CORO2B: variants seen among roughly 807,000 people sequenced by gnomAD.
The protein encoded by CORO2B is coronin-2B.
In CORO2B, 26 loss-of-function variants were observed where a neutral mutation model predicts 58.8. That is an observed-to-expected ratio of 0.44 (90% CI 0.32 to 0.61). CORO2B has a LOEUF of 0.61. Among genes scored for constraint, CORO2B ranks in the 20% least tolerant of loss-of-function variants. The pLI, the probability that CORO2B is intolerant of heterozygous loss-of-function variation, is 0.04. For synonymous variants in CORO2B, 242 were observed against 253.8 expected (o/e 0.95, Z 0.44); for missense variants, 460 against 645.1 (o/e 0.71, Z 3.11).
At chr15:68,606,200 A>C (rs74020251) in intron 1 of CORO2B, among the ~76,000 whole-genome samples, 7,688 of 152,186 alleles carry the variant, frequency 0.051, 396 homozygotes, top group African/African-American at 0.13. Context: ...AAAGAGGCCT[A>C]GACCAGGAGT....
In CORO2B at chr15:68,726,180, C is replaced by G. The variant is rs1176169467; in HGVS notation, c.*206C>G. 1.7e-6 allele frequency: 1 copy of G among 602,576 alleles called. No homozygotes were observed. Among genetic ancestry groups the G allele is most frequent in the Non-Finnish European group, 2.8e-6 (1 of 362,176 alleles). 37.3% of individuals were successfully genotyped at this position (602,576 alleles called of 1,614,324 possible). ...AAAAGTCCCCAGCTTCTGGAGACCCCCTGCCGGCAGCCCCTTTCCCTGCCA... is the reference window on the plus strand; with the variant it reads ...AAAAGTCCCCAGCTTCTGGAGACCCGCTGCCGGCAGCCCCTTTCCCTGCCA... On this transcript the variant is annotated 3_prime_UTR_variant, in exon 12 of 12. Transcript: ENST00000261861.
intron 2 of CORO2B, among the ~76,000 whole-genome samples, chr15:68,682,395 G>C (rs1902820377): frequency 6.6e-6 from 1 of 152,172 alleles, no homozygotes. Context: ...AGGCGTTTGT[G>C]GGGATTAACC....
chr15:68,521,991 T>C, the CORO2B span, among the ~76,000 whole-genome samples: 1 of 152,180 alleles, frequency 6.6e-6, no homozygotes, highest in Non-Finnish European at 1.5e-5. Context: ...AAATTTTTTG[T>C]AGAGACAAGG....
intron 1 of CORO2B, among the ~76,000 whole-genome samples, chr15:68,601,125 G>A (rs1181264873): frequency 6.6e-6 from 1 of 152,170 alleles, no homozygotes; most frequent in Non-Finnish European, 1.5e-5. Flanking sequence ...ACAGGTAGAG[G>A]TAGCCATTGG....
At chr15:68,574,869 G>A (rs1375326647), upstream of CORO2B, among the ~76,000 whole-genome samples, 1 of 152,220 alleles carries the variant, frequency 6.6e-6, no homozygotes, top group Non-Finnish European at 1.5e-5. Context: ...TCGCCATGCT[G>A]AGAAAGAGGG....
At chr15:68,603,000 A>T (rs917726614) in intron 1 of CORO2B, among the ~76,000 whole-genome samples, 1 of 152,134 alleles carries the variant, frequency 6.6e-6, no homozygotes, top group African/African-American at 2.4e-5. Flanking sequence ...GCTTAACACC[A>T]TCTGTTTCCC....
chr15:68,524,943 C>G, the CORO2B span, among the ~76,000 whole-genome samples: 19 of 152,204 alleles, frequency 1.2e-4, no homozygotes, highest in African/African-American at 4.1e-4. Flanking sequence ...TAAAAAGGAA[C>G]AGAGAATAAT....
intron 1 of CORO2B, among the ~76,000 whole-genome samples, chr15:68,643,703 A>G (rs537136774): frequency 1.1e-4 from 17 of 152,290 alleles, no homozygotes; most frequent in South Asian, 4.1e-4. Context: ...TCTTCCTTCA[A>G]TAAAGAGGAG....
rs1348723327 is a variant in CORO2B, at chr15:68,645,063, C to T, written c.16-97C>T. The stretch of plus-strand genomic sequence containing the variant: ...GGACCCAGGGCCTGCTCACCTGCTG[C>T]ACCTCTGAGCCGCAGCTTCCCTCCC... On this transcript the variant is annotated intron_variant, in intron 1 of 11. Coordinates refer to ENST00000261861, the MANE Select transcript of CORO2B (RefSeq NM_006091.5). This position sits in a 1 kb window ranked among gnomAD's most constrained non-coding sequence, Gnocchi z 4.5. 8.6e-6 allele frequency: 11 copies of T among 1,274,834 alleles called. No homozygotes were observed. Among genetic ancestry groups the T allele is most frequent in the Non-Finnish European group, 1.2e-5 (11 of 915,820 alleles). 79.0% of individuals were successfully genotyped at this position (1,274,834 alleles called of 1,614,324 possible). A position where few individuals can be genotyped will look rare whatever the true frequency, so the allele number is the denominator to read the frequency against.
Position 68,635,541 on chromosome 15 carries a change from G to A in CORO2B, c.16-9619G>A, listed in dbSNP as rs79306415. On this transcript the variant is annotated intron_variant, in intron 1 of 11. Transcript: ENST00000261861. ...ACCCCCAGGGCAGGAAGCTTGCAGTGTGGACCGGTCATCCAGAGACAAGTC... is the reference window on the plus strand; with the variant it reads ...ACCCCCAGGGCAGGAAGCTTGCAGTATGGACCGGTCATCCAGAGACAAGTC... Among the ~76,000 whole-genome samples, 1,571 of 152,294 alleles carry A rather than the reference G, an allele frequency of 0.01. 63 individuals are homozygous for A. In the East Asian group the frequency reaches 0.12, roughly 12 times the overall value.
At chr15:68,700,141 C>T (rs764201826) in intron 3 of CORO2B, among the ~76,000 whole-genome samples, 1 of 152,172 alleles carries the variant, frequency 6.6e-6, no homozygotes, top group Non-Finnish European at 1.5e-5. Flanking sequence ...GGCCCTCCCT[C>T]CACCCATTCC....
intron 1 of CORO2B, among the ~76,000 whole-genome samples, chr15:68,636,296 G>A (rs548967987): frequency 6.6e-6 from 1 of 152,280 alleles, no homozygotes; most frequent in South Asian, 2.1e-4. Context: ...AAGAGAATGA[G>A]GCAGAGGTGG....
chr15:68,523,807 G>T, the CORO2B span, among the ~76,000 whole-genome samples: 2 of 152,176 alleles, frequency 1.3e-5, no homozygotes, highest in East Asian at 3.8e-4. Context: ...ATATCCCAAG[G>T]GGAAAAGTGA....
At chr15:68,605,655 A>G (rs1281847537) in intron 1 of CORO2B, among the ~76,000 whole-genome samples, 1 of 150,608 alleles carries the variant, frequency 6.6e-6, no homozygotes, top group African/African-American at 2.4e-5. Context: ...TGGAAAGTGA[A>G]GGGAGAATGG....
chr15:68,695,117 C>A, intron 2 of CORO2B, 23 bp from the exon 3 acceptor site: 1 of 1,589,112 alleles, frequency 6.3e-7, no homozygotes, highest in Non-Finnish European at 8.6e-7. Context: ...CTCCTTCTCT[C>A]TCTCTCTCTT....
intron 1 of CORO2B, among the ~76,000 whole-genome samples, chr15:68,619,060 C>T (rs1420959300): frequency 6.6e-6 from 1 of 152,138 alleles, no homozygotes; most frequent in African/African-American, 2.4e-5. Context: ...TCAGCAGCCC[C>T]AGATACAATT....
chr15:68,577,401 T>G (rs1240747628), upstream of CORO2B, among the ~76,000 whole-genome samples: 1 of 152,140 alleles, frequency 6.6e-6, no homozygotes, highest in Non-Finnish European at 1.5e-5. Flanking sequence ...CTCACACTGT[T>G]GCATTTAGGA....
rs144848505 is a variant in CORO2B at position 68,691,819 on chromosome 15, C to T, written c.217-3321C>T. Among the ~76,000 whole-genome samples the T allele has an allele frequency of 2.2e-4, 33 of 152,160 alleles. No individual in the cohort carries two copies. The East Asian group carries it at 4.1e-3, about 19-fold the overall frequency. ...TGCCTAACCTGCCCCTCCAGTGTATCGCCCGTGGGCTGCTGGCTAGAAGCT... is the reference window on the plus strand; with the variant it reads ...TGCCTAACCTGCCCCTCCAGTGTATTGCCCGTGGGCTGCTGGCTAGAAGCT... On this transcript the variant is annotated intron_variant, in intron 2 of 11. Coordinates refer to ENST00000261861, the MANE Select transcript of CORO2B (RefSeq NM_006091.5).
chr15:68,570,389 C>T, the CORO2B span, among the ~76,000 whole-genome samples: 2 of 152,188 alleles, frequency 1.3e-5, no homozygotes, highest in Non-Finnish European at 1.5e-5. Context: ...CTTGTGATGT[C>T]TTCGTCTGAA....
Sources: gnomAD v4.1 joint callset for allele counts (sites outside exome capture counted in the v4.1 genomes callset) on GRCh38, gnomAD v4.1.1 for gene constraint, Gnocchi (gnomAD v3.1) non-coding constraint, MANE v1.5 for transcripts, NCBI Gene and HGNC (gene_info 2026-07-23, HGNC 2026-07-21) for gene names.